The following EIF4H variants were observed in gnomAD, a reference collection of about 807,000 sequenced individuals.
The protein encoded by EIF4H is Williams-Beuren syndrome chromosome region 1.
A neutral mutation model predicts 30.6 loss-of-function variants in EIF4H; 8 were observed. That is an observed-to-expected ratio of 0.26 (90% CI 0.15 to 0.47). EIF4H has a LOEUF of 0.47. EIF4H is among the 20% of genes least tolerant of loss of function. The pLI is 0.99. For synonymous variants in EIF4H, 106 were observed against 122.7 expected, an observed-to-expected ratio of 0.86 and a Z score of 0.90; for missense variants, 188 against 339.5, an observed-to-expected ratio of 0.55 and a Z score of 3.51.
At chr7:74,175,092 G>GTA (rs1800808265) in intron 1 of EIF4H, among the ~76,000 whole-genome samples, 1 of 152,220 alleles carries the variant, frequency 6.6e-6, no homozygotes, top group Non-Finnish European at 1.5e-5. Flanking sequence ...CAGGTGCTAC[G>GTA]TGCTCTTTGG....
chr7:74,186,882 G>A (rs1263024079), intron 1 of EIF4H, among the ~76,000 whole-genome samples: 5 of 128,510 alleles, frequency 3.9e-5, no homozygotes, highest in Admixed American at 9.9e-5. Context: ...GCAGTGGTGC[G>A]ATCTTGGCTC....
chr7:74,177,266 A>C (rs1364031222), intron 1 of EIF4H, among the ~76,000 whole-genome samples: 1 of 152,244 alleles, frequency 6.6e-6, no homozygotes, highest in Non-Finnish European at 1.5e-5. Context: ...TTAGAATTCT[A>C]ACCTTTGAAT....
chr7:74,196,248 T>A lies in EIF4H; in HGVS notation c.*940T>A. On this transcript the variant is annotated 3_prime_UTR_variant, in exon 7 of 7. Coordinates refer to ENST00000265753, the MANE Select transcript of EIF4H (RefSeq NM_022170.2). ...GGCGCTGACGCAGCGTTTCCCCCCA[T>A]CCCTGTTGCCTGTGTGTTGTGTGGA... is the stretch of plus-strand genomic sequence containing the variant. The A allele has an allele frequency of 6.5e-6, 1 of 152,942 alleles. No individual in the cohort carries two copies. Among genetic ancestry groups the A allele is most frequent in the Non-Finnish European group, 1.5e-5 (1 of 68,188 alleles). 9.5% of individuals were successfully genotyped at this position (152,942 alleles called of 1,614,324 possible). A position where few individuals can be genotyped will look rare whatever the true frequency, so the allele number is the denominator to read the frequency against.
chr7:74,190,134 AT>A, intron 4 of EIF4H, 112 bp from the exon 5 acceptor site: 2 of 1,197,806 alleles, frequency 1.7e-6, no homozygotes, highest in Non-Finnish European at 2.4e-6. Flanking sequence ...TCTTAAAATG[AT>A]TTCATTGAAC....
At position 74,187,490 on chromosome 7, in the gene EIF4H, GGTAC is replaced by G. The variant is rs1801112203; in HGVS notation, c.60-120_60-117del. 2.2e-5 allele frequency: 22 copies of G among 999,020 alleles called. No individual in the cohort carries two copies. The South Asian group carries it at 5.0e-4, about 23-fold the overall frequency. 61.9% of individuals were successfully genotyped at this position (999,020 alleles called of 1,614,324 possible). ...CAGCCATTCTCTGTAACAGTCTTGT[GGTAC>G]ATCGAGCAGAGTGCCTCACCTGGGG... On this transcript the variant is annotated intron_variant, in intron 1 of 6. Transcript: ENST00000265753.
chr7:74,187,383 A>T (rs1348638609), intron 1 of EIF4H, among the ~76,000 whole-genome samples: 2 of 152,182 alleles, frequency 1.3e-5, no homozygotes, highest in Admixed American at 1.3e-4. Context: ...GTGAGCCAAG[A>T]TTGTGCCACT....
chr7:74,191,330 C>T (rs746896081), intron 5 of EIF4H: 1 of 519,462 alleles, frequency 1.9e-6, no homozygotes, highest in Non-Finnish European at 4.0e-6. Context: ...GCTCAGGGAA[C>T]GGCCTTTCCC....
At chr7:74,191,406 C>T in intron 5 of EIF4H, 1 of 412,054 alleles carries the variant, frequency 2.4e-6, no homozygotes, top group South Asian at 1.8e-5. Flanking sequence ...CTACCCTTGG[C>T]TTAGCTTGGC....
chr7:74,192,111 C>G (rs554561669), intron 5 of EIF4H, among the ~76,000 whole-genome samples: 194 of 152,258 alleles, frequency 1.3e-3, no homozygotes, highest in Non-Finnish European at 1.3e-3. Flanking sequence ...GATCCTTGTT[C>G]ATCTGCTTCA....
At chr7:74,178,220 A>G (rs928229113) in intron 1 of EIF4H, among the ~76,000 whole-genome samples, 1 of 152,150 alleles carries the variant, frequency 6.6e-6, no homozygotes, top group Non-Finnish European at 1.5e-5. Flanking sequence ...TGTGTGAGCC[A>G]CAGTACCCAG....
intron 1 of EIF4H, among the ~76,000 whole-genome samples, chr7:74,178,761 G>A (rs1472431258): frequency 6.6e-6 from 1 of 152,160 alleles, no homozygotes; most frequent in Non-Finnish European, 1.5e-5. Flanking sequence ...GGCATGAAAT[G>A]AGTGTGATTG....
At chr7:74,191,765 C>T (rs114407225) in intron 5 of EIF4H, among the ~76,000 whole-genome samples, 1,736 of 152,170 alleles carry the variant, frequency 0.011, 37 homozygotes, top group African/African-American at 0.038. Context: ...TTCCTAGAAA[C>T]CCACCAACAG....
chr7:74,191,107 G>A (rs1801198548), intron 5 of EIF4H: 4 of 518,218 alleles, frequency 7.7e-6, no homozygotes, highest in South Asian at 2.9e-5. Flanking sequence ...ACTGGTGCAC[G>A]CTGTCTTGTG....
chr7:74,174,402 T>C lies in EIF4H; in HGVS notation c.19T>C (p.Tyr7His). The C allele has an allele frequency of 6.8e-7, 1 of 1,460,424 alleles. No homozygotes were observed. The highest frequency in any genetic ancestry group is 9.2e-7 in the Non-Finnish European group (1 of 1,092,330). The allele number at this position is 1,460,424 out of a possible 1,614,324, so 90.5% of individuals were successfully genotyped here. Residue 7 changes from tyrosine to histidine, a missense_variant, in exon 1 of 7, where the codon TAC becomes CAC. Transcript: ENST00000265753. The part of the protein sequence containing the change: MADFDT[Y>H]DDRAYSSFGG... ...ACGGCAAATGGCGGACTTCGACACC[T>C]ACGACGATCGGGCCTACAGCAGCTT...
In EIF4H at chr7:74,189,932, C is replaced by G. The variant is rs1227491570; in HGVS notation, c.409+14C>G. 2 of 1,613,280 alleles carry G rather than the reference C, an allele frequency of 1.2e-6. No individual in the cohort carries two copies. The highest frequency in any genetic ancestry group is 2.7e-5 in the African/African-American group (2 of 74,914). On this transcript the variant is annotated intron_variant, in intron 4 of 6. Transcript: ENST00000265753. ...CAGATGACAGAGGTGATTGGTTCTT[C>G]TAAAGCTGAACATCATAAAGATTTG...
chr7:74,182,608 T>C (rs1584177033), intron 1 of EIF4H, among the ~76,000 whole-genome samples: 2 of 152,184 alleles, frequency 1.3e-5, no homozygotes, highest in Non-Finnish European at 1.5e-5. Flanking sequence ...TTTGGAGGCA[T>C]AGTCTTGCCC....
intron 1 of EIF4H, among the ~76,000 whole-genome samples, chr7:74,179,342 C>T (rs1390115201): frequency 2.0e-5 from 3 of 152,100 alleles, no homozygotes; most frequent in Non-Finnish European, 2.9e-5. Flanking sequence ...CATTAGAGTT[C>T]ATCATTTGGC....
rs1281923101 is a variant in EIF4H at position 74,196,631 on chromosome 7, C to T, written c.*1323C>T. 1 of 151,606 alleles carries T rather than the reference C, an allele frequency of 6.6e-6. No homozygotes were observed. The highest frequency in any genetic ancestry group is 1.5e-5 in the Non-Finnish European group (1 of 67,928). 9.4% of individuals were successfully genotyped at this position (151,606 alleles called of 1,614,324 possible). A position where few individuals can be genotyped will look rare whatever the true frequency, so the allele number is the denominator to read the frequency against. On this transcript the variant is annotated 3_prime_UTR_variant, in exon 7 of 7. Coordinates refer to ENST00000265753, the MANE Select transcript of EIF4H (RefSeq NM_022170.2). ...TTTGGGGGCGGCCGGCAGCAGGAGC[C>T]TGGGAAAGAGGCCCTCGCCAGGTGA...
rs1210127883 is a variant in EIF4H at position 74,174,388 on chromosome 7, C to T, written c.5C>T (p.Ala2Val). The T allele has an allele frequency of 2.1e-6, 3 of 1,458,230 alleles. No homozygotes were observed. Among genetic ancestry groups the T allele is most frequent in the Non-Finnish European group, 2.7e-6 (3 of 1,091,010 alleles). 90.3% of individuals were successfully genotyped at this position (1,458,230 alleles called of 1,614,324 possible). A position where few individuals can be genotyped will look rare whatever the true frequency, so the allele number is the denominator to read the frequency against. M[A>V]DFDTYDDRAY... ...CTCTCGGAGCGGAGACGGCAAATGG[C>T]GGACTTCGACACCTACGACGATCGG... Residue 2 changes from alanine (A) to valine (V), a missense_variant, in exon 1 of 7, where the codon GCG becomes GTG. Coordinates refer to ENST00000265753, the MANE Select transcript of EIF4H (RefSeq NM_022170.2).
Sources: gnomAD v4.1 joint callset for allele counts (sites outside exome capture counted in the v4.1 genomes callset) on GRCh38, gnomAD v4.1.1 for gene constraint, MANE v1.5 for transcripts, NCBI Gene and HGNC (gene_info 2026-07-23, HGNC 2026-07-21) for gene names.